Variants in TAF2 observed in about 807,000 individuals in gnomAD.
TAF2 encodes the protein TATA-box binding protein associated factor 2, also known as transcription initiation factor TFIID subunit 2.
Under a neutral mutation model 138.5 loss-of-function variants are expected in TAF2, and 61 were observed. The observed-to-expected ratio is 0.44, with a 90% CI of 0.36 to 0.54. TAF2 has a LOEUF of 0.54. Among genes scored for constraint, TAF2 ranks in the 20% least tolerant of loss-of-function variants. TAF2 has a pLI of 0.00. For missense variants in TAF2, 1,090 were observed against 1,427.9 expected, an observed-to-expected ratio of 0.76 and a Z score of 3.81; for synonymous variants, 475 against 469.9, an observed-to-expected ratio of 1.01 and a Z score of -0.14.
At chr8:119,818,445 AC>A (rs1825615732) in intron 3 of TAF2, among the ~76,000 whole-genome samples, 1 of 152,164 alleles carries the variant, frequency 6.6e-6, no homozygotes, top group Non-Finnish European at 1.5e-5. Context: ...AAATGATATA[AC>A]CCAATGTTAT....
At chr8:119,753,268 G>GT (rs1438000201) in intron 22 of TAF2, among the ~76,000 whole-genome samples, 2 of 151,758 alleles carry the variant, frequency 1.3e-5, no homozygotes, top group African/African-American at 2.4e-5. Context: ...TCTTTTTGTA[G>GT]TTTTTTTCAG....
At chr8:119,762,666 A>G (rs966198087) in intron 18 of TAF2, 58 bp from the exon 19 acceptor site, 1 of 1,451,400 alleles carries the variant, frequency 6.9e-7, no homozygotes, top group Admixed American at 2.2e-5. Context: ...ATCAAAATTA[A>G]CAAAATAAAA....
In TAF2 at chr8:119,731,785, TAG is replaced by T; in HGVS notation, c.*137_*138del. Reference sequence around the variant, plus strand: ...GTATAAATAACATAAATCAAATGCTTAGAACTTAAATGAATTCAGAATTTCTG... The same window carrying T: ...GTATAAATAACATAAATCAAATGCTTAACTTAAATGAATTCAGAATTTCTG... On this transcript the variant is annotated 3_prime_UTR_variant, in exon 26 of 26. Coordinates refer to ENST00000378164, the MANE Select transcript of TAF2 (RefSeq NM_003184.4). The T allele has an allele frequency of 1.2e-6, 1 of 838,406 alleles. No individual in the cohort carries two copies. Among genetic ancestry groups the T allele is most frequent in the Admixed American group, 2.1e-5 (1 of 48,430 alleles). 51.9% of individuals were successfully genotyped at this position (838,406 alleles called of 1,614,324 possible). A position where few individuals can be genotyped will look rare whatever the true frequency, so the allele number is the denominator to read the frequency against.
chr8:119,797,819 G>A lies in TAF2; in HGVS notation c.820C>T (p.Leu274Phe), dbSNP rs1172065872. 1.9e-6 allele frequency: 3 copies of A among 1,613,398 alleles called. No individual in the cohort carries two copies. In the Admixed American group the frequency reaches 5.0e-5, roughly 27 times the overall value. The part of the protein sequence containing the change: ...EVTHFCLPQL[L>F]PLLKHTTSYL... Reference sequence around the variant, plus strand: ...GATGTGGTATGTTTCAGCAATGGAAGAAGTTGGGGCAAACAAAAATGAGTA... The same window carrying A: ...GATGTGGTATGTTTCAGCAATGGAAAAAGTTGGGGCAAACAAAAATGAGTA... The change falls in exon 7 of 26, where the codon CTT becomes TTT. Residue 274 changes from leucine (L) to phenylalanine (F), a missense_variant. Coordinates refer to ENST00000378164, the MANE Select transcript of TAF2 (RefSeq NM_003184.4).
Position 119,735,277 on chromosome 8 carries a change from T to A in TAF2, c.3338-3091A>T, listed in dbSNP as rs561796063. 5.3e-5 allele frequency among the ~76,000 whole-genome samples: 8 copies of A among 152,268 alleles called. No individual in the cohort carries two copies. In the South Asian group the frequency reaches 1.7e-3, roughly 32 times the overall value. On this transcript the variant is annotated intron_variant, in intron 25 of 25. Coordinates refer to ENST00000378164, the MANE Select transcript of TAF2 (RefSeq NM_003184.4). ...CCAACATATAGCACAGTATCTATCA[T>A]CCCCTACCCCGCCCCCTCTAACAAA...
chr8:119,829,935 C>T (rs745991998), intron 2 of TAF2, among the ~76,000 whole-genome samples: 34 of 150,848 alleles, frequency 2.3e-4, no homozygotes, highest in Non-Finnish European at 4.6e-4. Flanking sequence ...TCTCGGCTCC[C>T]TGCAAGTTCG....
intron 2 of TAF2, among the ~76,000 whole-genome samples, chr8:119,821,918 G>T (rs1586542794): frequency 1.3e-5 from 2 of 152,212 alleles, no homozygotes; most frequent in South Asian, 2.1e-4. Flanking sequence ...TGTAGTTCCA[G>T]TTACTGGGGA....
chr8:119,777,157 T>C (rs1039911151), intron 18 of TAF2, among the ~76,000 whole-genome samples: 7 of 152,224 alleles, frequency 4.6e-5, no homozygotes, highest in Admixed American at 2.0e-4. Context: ...ATAGGTTATA[T>C]GCAAATATTA....
At chr8:119,807,479 A>T (rs949038690) in intron 3 of TAF2, among the ~76,000 whole-genome samples, 11 of 152,232 alleles carry the variant, frequency 7.2e-5, no homozygotes, top group African/African-American at 2.7e-4. Context: ...AAGATACGGA[A>T]TGGGAAGGGC....
rs961972636 is a variant in TAF2 at position 119,790,558 on chromosome 8, T to G, written c.1413+766A>C. On this transcript the variant is annotated intron_variant, in intron 11 of 25. Coordinates refer to ENST00000378164, the MANE Select transcript of TAF2 (RefSeq NM_003184.4). ...ATTATTTTTTACCTGCCTCTAAGAA[T>G]GTTAACAATGAAAAAAAATGGCTGA... 2.6e-5 allele frequency among the ~76,000 whole-genome samples: 4 copies of G among 152,156 alleles called. No individual in the cohort carries two copies. In the South Asian group the frequency reaches 8.3e-4, roughly 32 times the overall value.
intron 18 of TAF2, among the ~76,000 whole-genome samples, chr8:119,776,272 G>GA (rs1312407569): frequency 1.3e-5 from 2 of 150,404 alleles, no homozygotes; most frequent in Non-Finnish European, 2.9e-5. Flanking sequence ...TAAATTATTT[G>GA]AATGTTAAAC....
chr8:119,769,938 T>C (rs1445807616), intron 18 of TAF2, among the ~76,000 whole-genome samples: 1 of 151,920 alleles, frequency 6.6e-6, no homozygotes, highest in Non-Finnish European at 1.5e-5. Flanking sequence ...TTTGTATTTT[T>C]AGTAGAGACG....
At chr8:119,759,219 G>A (rs1447562831) in intron 20 of TAF2, among the ~76,000 whole-genome samples, 1 of 152,044 alleles carries the variant, frequency 6.6e-6, no homozygotes, top group Admixed American at 6.5e-5. Context: ...AACAGGAAAG[G>A]ATATTTTAAC....
intron 3 of TAF2, among the ~76,000 whole-genome samples, chr8:119,815,441 AT>A (rs1825393988): frequency 6.6e-6 from 1 of 151,716 alleles, no homozygotes; most frequent in African/African-American, 2.4e-5. Flanking sequence ...CACCTGGCTA[AT>A]TTTTTGTATT....
chr8:119,745,659 A>G (rs1819909435), intron 23 of TAF2, among the ~76,000 whole-genome samples: 1 of 152,204 alleles, frequency 6.6e-6, no homozygotes, highest in African/African-American at 2.4e-5. Context: ...TTTGTCATCA[A>G]TAAAAAAACA....
chr8:119,831,890 G>A (rs1826471940), intron 1 of TAF2, among the ~76,000 whole-genome samples, 159 bp from the exon 2 acceptor site: 1 of 152,182 alleles, frequency 6.6e-6, no homozygotes, highest in African/African-American at 2.4e-5. Context: ...GCCTGGTGCG[G>A]TGGCTCACGC....
intron 3 of TAF2, among the ~76,000 whole-genome samples, chr8:119,809,292 C>T (rs78911710): frequency 0.031 from 4,647 of 152,318 alleles, 85 homozygotes; most frequent in South Asian, 0.044. Flanking sequence ...TGTTCTTCTG[C>T]AGCTTCCTCA....
At chr8:119,802,150 T>C (rs1182220414) in intron 5 of TAF2, 125 bp from the exon 6 acceptor site, 11 of 794,188 alleles carry the variant, frequency 1.4e-5, no homozygotes, top group Non-Finnish European at 2.2e-5. Flanking sequence ...ATTTGGCTAC[T>C]GAAGCTTTTT....
chr8:119,741,185 T>G (rs1819581134), intron 25 of TAF2, among the ~76,000 whole-genome samples: 3 of 152,126 alleles, frequency 2.0e-5, no homozygotes, highest in Non-Finnish European at 2.9e-5. Flanking sequence ...CAAAAAAAAG[T>G]GTTCAGATTT....
Sources: gnomAD v4.1 joint callset for allele counts (sites outside exome capture counted in the v4.1 genomes callset) on GRCh38, gnomAD v4.1.1 for gene constraint, MANE v1.5 for transcripts, NCBI Gene and HGNC (gene_info 2026-07-23, HGNC 2026-07-21) for gene names.